CSMD1: variants seen among roughly 807,000 people sequenced by gnomAD.
CSMD1 encodes CUB and Sushi multiple domains 1, also known as CUB and sushi domain-containing protein 1.
Under a neutral mutation model 417.5 loss-of-function variants are expected in CSMD1, and 213 were observed. The ratio of observed to expected loss-of-function variants is 0.51; its 90% CI spans 0.46 to 0.57. The LOEUF (loss-of-function observed/expected upper bound fraction) is 0.57. Among genes scored for constraint, CSMD1 ranks in the 20% least tolerant of loss-of-function variants. The pLI, the probability that CSMD1 is intolerant of heterozygous loss-of-function variation, is 0.00. For synonymous variants in CSMD1, 2,862 were observed against 1,736.8 expected (o/e 1.65, Z -16.11); for missense variants, 6,923 against 4,529.7 (o/e 1.53, Z -15.17).
At chr8:3,948,640 A>G (rs1252747870) in intron 5 of CSMD1, among the ~76,000 whole-genome samples, 2 of 152,318 alleles carry the variant, frequency 1.3e-5, no homozygotes, top group Admixed American at 1.3e-4. Flanking sequence ...TCCATTATCT[A>G]AAAGTACAAC....
rs1052694884 is a variant in CSMD1 at position 3,236,104 on chromosome 8, G to C, written c.4154-5873C>G. 2.6e-5 allele frequency among the ~76,000 whole-genome samples: 4 copies of C among 151,720 alleles called. No homozygotes were observed. The East Asian group carries it at 7.8e-4, about 30-fold the overall frequency. On this transcript the variant is annotated intron_variant, in intron 26 of 69. Transcript: ENST00000635120. ...GGCTAATTTTTTTGTATTTTTAGTA[G>C]AGACAGGGTTTCACCATGTTAGCCA...
At chr8:3,103,683 A>C (rs1375698168) in intron 46 of CSMD1, among the ~76,000 whole-genome samples, 1 of 152,024 alleles carries the variant, frequency 6.6e-6, no homozygotes, top group Non-Finnish European at 1.5e-5. Context: ...GTCATGAATT[A>C]AACGTCATTT....
intron 3 of CSMD1, among the ~76,000 whole-genome samples, chr8:4,186,345 C>T (rs1224047701): frequency 6.6e-6 from 1 of 152,112 alleles, no homozygotes; most frequent in African/African-American, 2.4e-5. Flanking sequence ...TGGCCCAGCC[C>T]TGGGCTGATT....
intron 54 of CSMD1, among the ~76,000 whole-genome samples, chr8:2,993,277 C>T (rs1806562165): frequency 6.6e-6 from 1 of 152,320 alleles, no homozygotes; most frequent in South Asian, 2.1e-4. Context: ...TTTGAAGCAA[C>T]AAATGGGTGT....
At chr8:3,239,027 A>G (rs191649227) in intron 26 of CSMD1, among the ~76,000 whole-genome samples, 3 of 152,322 alleles carry the variant, frequency 2.0e-5, no homozygotes, top group Admixed American at 2.0e-4. Context: ...ACTGGGGCCT[A>G]AGAAAAAGGA....
intron 1 of CSMD1, among the ~76,000 whole-genome samples, chr8:4,864,934 C>T (rs1337011394): frequency 1.4e-5 from 2 of 144,290 alleles, no homozygotes; most frequent in Admixed American, 7.3e-5. Context: ...TGTTCTACAA[C>T]ACTGGTATTC....
At position 3,119,574 on chromosome 8, in the gene CSMD1, A is replaced by T. The variant is rs76481935; in HGVS notation, c.6242-987T>A. Among the ~76,000 whole-genome samples the T allele has an allele frequency of 3.7e-3, 564 of 152,306 alleles. 5 individuals are homozygous for T. Among genetic ancestry groups the T allele is most frequent in the African/African-American group, 0.013 (542 of 41,566 alleles). ...TGTGTGGTTTAAACATTTACTCATT[A>T]ATGAGTAAGAATTAACTAATCCATA... is the stretch of plus-strand genomic sequence containing the variant. On this transcript the variant is annotated intron_variant, in intron 41 of 69. Coordinates refer to ENST00000635120, the MANE Select transcript of CSMD1 (RefSeq NM_033225.6).
chr8:4,155,609 G>C (rs192444925), intron 3 of CSMD1, among the ~76,000 whole-genome samples: 38 of 152,234 alleles, frequency 2.5e-4, no homozygotes, highest in Middle Eastern at 6.8e-3. Flanking sequence ...ATAGAGACAA[G>C]GTTTGATTTT....
intron 1 of CSMD1, among the ~76,000 whole-genome samples, chr8:4,930,509 G>A (rs888858227): frequency 3.3e-5 from 5 of 152,106 alleles, no homozygotes; most frequent in Admixed American, 6.6e-5. Context: ...CAAAACTACA[G>A]CCGAGCATAC....
intron 5 of CSMD1, among the ~76,000 whole-genome samples, chr8:3,825,328 G>A (rs749578181): frequency 1.3e-5 from 2 of 152,074 alleles, no homozygotes; most frequent in South Asian, 2.1e-4. Flanking sequence ...TCAGGAGCTC[G>A]AGACCAGCTT....
intron 26 of CSMD1, among the ~76,000 whole-genome samples, chr8:3,280,258 G>A (rs111327437): frequency 7.2e-5 from 11 of 152,268 alleles, no homozygotes; most frequent in African/African-American, 1.9e-4. Flanking sequence ...GACATCCAGC[G>A]TGGAATTATG....
chr8:4,453,901 C>A lies in CSMD1; in HGVS notation c.303-33836G>T, dbSNP rs555327633. ...CACTGGCGCGACCTCGGCTCACTGC[C>A]AGCTCCGCCTCCCAGGTTCACAGCA... On this transcript the variant is annotated intron_variant, in intron 2 of 69. Transcript: ENST00000635120. 2.2e-3 allele frequency among the ~76,000 whole-genome samples: 325 copies of A among 145,990 alleles called. 1 individual carries two copies. Among genetic ancestry groups the A allele is most frequent in the African/African-American group, 6.7e-3 (264 of 39,442 alleles).
At chr8:3,626,235 G>A (rs890009241) in intron 7 of CSMD1, among the ~76,000 whole-genome samples, 10 of 152,190 alleles carry the variant, frequency 6.6e-5, no homozygotes, top group Non-Finnish European at 1.3e-4. Flanking sequence ...CTTAGCTGGA[G>A]GACTTAGGGC....
chr8:4,216,047 A>G (rs1800648677), intron 3 of CSMD1, among the ~76,000 whole-genome samples: 1 of 152,010 alleles, frequency 6.6e-6, no homozygotes, highest in South Asian at 2.1e-4. Context: ...CTGCACACCC[A>G]CGCCAGCCTA....
At chr8:4,761,804 G>A (rs895762568) in intron 1 of CSMD1, among the ~76,000 whole-genome samples, 4 of 151,670 alleles carry the variant, frequency 2.6e-5, no homozygotes, top group Non-Finnish European at 5.9e-5. Context: ...GAATAAACCT[G>A]GTAGTAAATA....
At chr8:3,916,941 G>A (rs146974732) in intron 5 of CSMD1, among the ~76,000 whole-genome samples, 285 of 152,116 alleles carry the variant, frequency 1.9e-3, no homozygotes, top group African/African-American at 5.7e-3. Context: ...TGCACTAAAA[G>A]CTGCTCCTTC....
chr8:3,525,182 G>C (rs1038603373), intron 10 of CSMD1, among the ~76,000 whole-genome samples: 1 of 152,168 alleles, frequency 6.6e-6, no homozygotes, highest in African/African-American at 2.4e-5. Context: ...TGTGTTCTGT[G>C]TGAGACTCAG....
intron 3 of CSMD1, among the ~76,000 whole-genome samples, chr8:4,047,843 T>C (rs1798228598): frequency 6.6e-6 from 1 of 152,040 alleles, no homozygotes; most frequent in Non-Finnish European, 1.5e-5. Flanking sequence ...TGAAAAAAAA[T>C]ATGAAGTAGA....
intron 3 of CSMD1, among the ~76,000 whole-genome samples, chr8:4,415,127 C>T (rs935901899): frequency 6.6e-6 from 1 of 152,040 alleles, no homozygotes; most frequent in Non-Finnish European, 1.5e-5. Flanking sequence ...ATAACGTAAA[C>T]TCAATTTTCT....
Sources: gnomAD v4.1 joint callset for allele counts (sites outside exome capture counted in the v4.1 genomes callset) on GRCh38, gnomAD v4.1.1 for gene constraint, MANE v1.5 for transcripts, NCBI Gene and HGNC (gene_info 2026-07-23, HGNC 2026-07-21) for gene names.